Variants in FRMD5 observed in about 807,000 individuals in gnomAD.
FRMD5 encodes the protein FERM domain-containing protein 5.
A neutral mutation model predicts 69.0 loss-of-function variants in FRMD5; 20 were observed. That is an observed-to-expected ratio of 0.29 (90% CI 0.20 to 0.42). FRMD5 has a LOEUF of 0.42. Among genes scored for constraint, FRMD5 ranks in the 10% least tolerant of loss-of-function variants. FRMD5 has a pLI of 1.00. For missense variants in FRMD5, 595 were observed against 708.6 expected (o/e 0.84, Z 1.82); for synonymous variants, 271 against 260.1 (o/e 1.04, Z -0.40).
intron 1 of FRMD5, among the ~76,000 whole-genome samples, chr15:44,049,790 T>C (rs1039174081): frequency 6.6e-6 from 1 of 152,216 alleles, no homozygotes; most frequent in African/African-American, 2.4e-5. Context: ...TCTGAAATTA[T>C]TCAAGTCTAG....
chr15:43,885,248 C>T (rs2088634991), intron 11 of FRMD5: 1 of 223,676 alleles, frequency 4.5e-6, no homozygotes, highest in Non-Finnish European at 9.0e-6. Context: ...TCATGGCTCA[C>T]TGCAGCCTCG....
intron 13 of FRMD5, chr15:43,875,856 C>CTTTTTTTTTTTTT: frequency 6.9e-6 from 1 of 144,194 alleles, no homozygotes; most frequent in Non-Finnish European, 1.5e-5. Flanking sequence ...ATTTTATTTT[C>CTTTTTTTTTTTTT]TTCCTTCAAC....
At chr15:43,935,537 AAT>A (rs1195804665) in intron 1 of FRMD5, among the ~76,000 whole-genome samples, 1 of 152,164 alleles carries the variant, frequency 6.6e-6, no homozygotes, top group African/African-American at 2.4e-5. Context: ...TGTATGTCTT[AAT>A]GTGCACTGGG....
intron 1 of FRMD5, among the ~76,000 whole-genome samples, chr15:43,936,377 A>AG (rs1007678696): frequency 6.6e-5 from 10 of 152,198 alleles, no homozygotes; most frequent in East Asian, 1.9e-4. Flanking sequence ...GTTTCTGAAG[A>AG]GGGGGGTCTC....
intron 1 of FRMD5, among the ~76,000 whole-genome samples, chr15:44,092,847 T>C (rs1275664122): frequency 1.3e-5 from 2 of 152,124 alleles, no homozygotes; most frequent in African/African-American, 4.8e-5. Context: ...CACATCCTAA[T>C]GTTTCTCTCC....
rs1370951833 is a variant in FRMD5 at position 43,996,143 on chromosome 15, G to A, written c.103-71834C>T. 2.6e-5 allele frequency among the ~76,000 whole-genome samples: 4 copies of A among 152,052 alleles called. No homozygotes were observed. In the East Asian group the frequency reaches 7.8e-4, roughly 30 times the overall value. ...GCCTCTGGGCTGTTCTGGAACCTGGGGTGGGCCTGCAGACTAGGTCTGCAG... is the reference window on the plus strand; with the variant it reads ...GCCTCTGGGCTGTTCTGGAACCTGGAGTGGGCCTGCAGACTAGGTCTGCAG... On this transcript the variant is annotated intron_variant, in intron 1 of 13. Coordinates refer to ENST00000417257, the MANE Select transcript of FRMD5 (RefSeq NM_032892.5).
intron 1 of FRMD5, among the ~76,000 whole-genome samples, chr15:44,168,834 T>C (rs1009112727): frequency 6.6e-6 from 1 of 152,240 alleles, no homozygotes; most frequent in Non-Finnish European, 1.5e-5. Context: ...CTTAATGCGC[T>C]AGGATCCTCT....
chr15:44,175,331 C>T (rs1385207898), intron 1 of FRMD5, among the ~76,000 whole-genome samples: 1 of 152,142 alleles, frequency 6.6e-6, no homozygotes, highest in Admixed American at 6.5e-5. Flanking sequence ...AAGTCTCTTC[C>T]AGCTCTAAAA....
chr15:43,951,847 G>C (rs1488326498), intron 1 of FRMD5, among the ~76,000 whole-genome samples: 1 of 152,150 alleles, frequency 6.6e-6, no homozygotes, highest in Non-Finnish European at 1.5e-5. Context: ...TTCTGAAAAT[G>C]AACGAACAAC....
At chr15:44,022,537 G>A (rs969466921) in intron 1 of FRMD5, among the ~76,000 whole-genome samples, 1 of 118,890 alleles carries the variant, frequency 8.4e-6, no homozygotes, top group African/African-American at 3.2e-5. Flanking sequence ...TTGCACCACT[G>A]TACTCCAGCC....
chr15:44,009,482 C>T lies in FRMD5; in HGVS notation c.103-85173G>A, dbSNP rs1433185548. Reference sequence around the variant, plus strand: ...ATTGCTTGATCCCAGGAGTGTGAGACCAGCATGGGCAACATGGAGAGACTC... The same window carrying T: ...ATTGCTTGATCCCAGGAGTGTGAGATCAGCATGGGCAACATGGAGAGACTC... On this transcript the variant is annotated intron_variant, in intron 1 of 13. Coordinates refer to ENST00000417257, the MANE Select transcript of FRMD5 (RefSeq NM_032892.5). Among the ~76,000 whole-genome samples, 11 of 152,118 alleles carry T rather than the reference C, an allele frequency of 7.2e-5. No individual in the cohort carries two copies. The East Asian group carries it at 2.1e-3, about 29-fold the overall frequency.
At chr15:44,185,470 C>T (rs769157339) in intron 1 of FRMD5, among the ~76,000 whole-genome samples, 62 of 152,154 alleles carry the variant, frequency 4.1e-4, no homozygotes, top group Non-Finnish European at 7.2e-4. Context: ...ACCTCCAATT[C>T]CATAATAACT....
chr15:43,888,790 G>A lies in FRMD5; in HGVS notation c.792+19C>T. ...CCATCACCCCAGCCCTCCTTGAAGA[G>A]AAGGAAGCCAGCACTCACCTCTTTC... On this transcript the variant is annotated intron_variant, in intron 9 of 13. Coordinates refer to ENST00000417257, the MANE Select transcript of FRMD5 (RefSeq NM_032892.5). The A allele has an allele frequency of 1.2e-6, 2 of 1,607,182 alleles. No individual in the cohort carries two copies. The highest frequency in any genetic ancestry group is 1.7e-6 in the Non-Finnish European group (2 of 1,173,700).
chr15:44,053,552 T>C (rs1001653667), intron 1 of FRMD5, among the ~76,000 whole-genome samples: 1 of 152,050 alleles, frequency 6.6e-6, no homozygotes, highest in Non-Finnish European at 1.5e-5. Flanking sequence ...ATTTGAGTTA[T>C]GTAGGAAGCA....
intron 1 of FRMD5, among the ~76,000 whole-genome samples, chr15:44,076,540 G>T (rs1893775579): frequency 6.7e-6 from 1 of 150,164 alleles, no homozygotes; most frequent in Non-Finnish European, 1.5e-5. Flanking sequence ...ACCATATACT[G>T]CATATTCTCA....
intron 1 of FRMD5, among the ~76,000 whole-genome samples, chr15:44,045,890 G>A (rs150784722): frequency 5.5e-4 from 84 of 152,294 alleles, no homozygotes; most frequent in African/African-American, 2.0e-3. Context: ...CTCATGATCA[G>A]GGCTTGAACA....
intron 1 of FRMD5, among the ~76,000 whole-genome samples, chr15:44,103,917 G>A (rs1251302531): frequency 6.6e-6 from 1 of 152,118 alleles, no homozygotes; most frequent in Non-Finnish European, 1.5e-5. Context: ...TGATGATGCT[G>A]GTGTAAACAA....
intron 1 of FRMD5, among the ~76,000 whole-genome samples, chr15:44,112,796 C>T (rs1420108563): frequency 6.6e-6 from 1 of 151,628 alleles, no homozygotes; most frequent in Non-Finnish European, 1.5e-5. Flanking sequence ...GGGGTTTCAC[C>T]ATATTGGCCA....
chr15:44,145,900 C>G (rs960233755), intron 1 of FRMD5, among the ~76,000 whole-genome samples: 1 of 152,276 alleles, frequency 6.6e-6, no homozygotes, highest in Middle Eastern at 3.4e-3. Flanking sequence ...ACTAAGGGAG[C>G]TTACCATATG....
Sources: gnomAD v4.1 joint callset for allele counts (sites outside exome capture counted in the v4.1 genomes callset) on GRCh38, gnomAD v4.1.1 for gene constraint, MANE v1.5 for transcripts, NCBI Gene and HGNC (gene_info 2026-07-23, HGNC 2026-07-21) for gene names.